The following GLB1L variants were observed in gnomAD, a reference collection of about 807,000 sequenced individuals.
The protein encoded by GLB1L is beta-galactosidase-1-like protein.
Under a neutral mutation model 75.7 loss-of-function variants are expected in GLB1L, and 58 were observed. The ratio of observed to expected loss-of-function variants is 0.77; its 90% CI spans 0.62 to 0.95. GLB1L has a LOEUF of 0.95. Among genes scored for constraint, GLB1L ranks in the 40% least tolerant of loss-of-function variants. GLB1L has a pLI of 0.00. For missense variants in GLB1L, 797 were observed against 805.5 expected, an observed-to-expected ratio of 0.99 and a Z score of 0.13; for synonymous variants, 296 against 303.0, an observed-to-expected ratio of 0.98 and a Z score of 0.24.
chr2:219,242,667 T>C (rs1002662058), intron 4 of GLB1L, 93 bp from the exon 5 acceptor site: 1 of 1,534,450 alleles, frequency 6.5e-7, no homozygotes, highest in Admixed American at 1.7e-5. Context: ...AGGGAAGGAA[T>C]TGAATATAGT....
chr2:219,238,875 A>T, intron 11 of GLB1L, 96 bp from the exon 12 acceptor site: 1 of 1,110,664 alleles, frequency 9.0e-7, no homozygotes, highest in Non-Finnish European at 1.3e-6. Context: ...GGGCCCAGGG[A>T]AGGGCTTCAG....
chr2:219,239,683 CTA>C lies in GLB1L; in HGVS notation c.781-3_781-2del. 1 of 1,614,122 alleles carries C rather than the reference CTA, an allele frequency of 6.2e-7. No homozygotes were observed. Among genetic ancestry groups the C allele is most frequent in the African/African-American group, 1.3e-5 (1 of 75,012 alleles). On this transcript the variant is annotated splice_acceptor_variant and splice_polypyrimidine_tract_variant and intron_variant, in intron 8 of 16. Transcript: ENST00000295759. LOFTEE classifies it high-confidence loss of function. Reference sequence around the variant, plus strand: ...AGCCTGTGTAGTACTCAGAGTTTACCTAGAGTGTGAAATGAAAGGAGTGTGAG... The same window carrying C: ...AGCCTGTGTAGTACTCAGAGTTTACCGAGTGTGAAATGAAAGGAGTGTGAG...
chr2:219,241,953 C>G (rs1342013004), intron 5 of GLB1L, among the ~76,000 whole-genome samples: 1 of 152,022 alleles, frequency 6.6e-6, no homozygotes, highest in Non-Finnish European at 1.5e-5. Flanking sequence ...ATAAAAAGCA[C>G]TTAAATTTAA....
Position 219,240,215 on chromosome 2 carries a change from A to G in GLB1L, c.522T>C (p.Asn174=). The change falls in exon 6 of 17, where the codon AAT becomes AAC. Residue 174 remains asparagine (N), a synonymous_variant. Transcript: ENST00000295759. ...CCTGAATGCTAATGATGTTGCCCCCATTGTGATAAAGCCATGGATATATCT... is the reference window on the plus strand; with the variant it reads ...CCTGAATGCTAATGATGTTGCCCCCGTTGTGATAAAGCCATGGATATATCT... ...LPKIYPWLYH[N]GGNIISIQVE... The G allele has an allele frequency of 6.2e-7, 1 of 1,614,168 alleles. No individual in the cohort carries two copies. Among genetic ancestry groups the G allele is most frequent in the South Asian group, 1.1e-5 (1 of 91,084 alleles).
At chr2:219,237,453 CCTT>C (rs1225076419) in intron 16 of GLB1L, 56 bp downstream of exon 16, 46 of 1,604,978 alleles carry the variant, frequency 2.9e-5, no homozygotes, top group African/African-American at 6.7e-5. Flanking sequence ...CTGCTCCCCT[CCTT>C]CTGTGATTTT....
chr2:219,239,393 G>T lies in GLB1L; in HGVS notation c.943+18C>A. 6.3e-7 allele frequency: 1 copy of T among 1,580,456 alleles called. No individual in the cohort carries two copies. The highest frequency in any genetic ancestry group is 8.6e-7 in the Non-Finnish European group (1 of 1,162,482). On this transcript the variant is annotated intron_variant, in intron 10 of 16. Coordinates refer to ENST00000295759, the MANE Select transcript of GLB1L (RefSeq NM_001286423.2). ...TTGTTACCTCCCTGCTTCTATCCCA[G>T]GGACCATCTGGACTCACCATTCCAA...
rs199593410 is a variant in GLB1L, at chr2:219,242,914, C to T, written c.244G>A (p.Val82Met). The stretch of plus-strand genomic sequence containing the variant: ...TGTGGCTCGTGGTAGTTCCAGGGCA[C>T]ATAACTGAGAAAGGAAGAGGTTAAT... Reference protein sequence around the residue: ...WSGLNAIQFYVPWNYHEPQPG... With the variant: ...WSGLNAIQFYMPWNYHEPQPG... The change falls in exon 4 of 17, where the codon GTG becomes ATG. Residue 82 changes from valine (V) to methionine (M), a missense_variant. Val to Met is a conservative substitution (Grantham distance 21). Transcript: ENST00000295759. 148 of 1,614,050 alleles carry T rather than the reference C, an allele frequency of 9.2e-5. No homozygotes were observed. The highest frequency in any genetic ancestry group is 1.0e-5 in the Non-Finnish European group (12 of 1,180,030).
chr2:219,245,427 A>G lies in GLB1L; in HGVS notation c.-269T>C, dbSNP rs1951504971. Reference sequence around the variant, plus strand: ...GCGTCCCCACATCCTCCGGATGCCCAGCGGTTGCTGAGATACCGCGGGCCG... The same window carrying G: ...GCGTCCCCACATCCTCCGGATGCCCGGCGGTTGCTGAGATACCGCGGGCCG... On this transcript the variant is annotated 5_prime_UTR_variant, in exon 1 of 17. Transcript: ENST00000295759. 6.6e-6 allele frequency: 1 copy of G among 152,476 alleles called. No individual in the cohort carries two copies. Among genetic ancestry groups the G allele is most frequent in the Admixed American group, 6.5e-5 (1 of 15,288 alleles). 9.4% of individuals were successfully genotyped at this position (152,476 alleles called of 1,614,324 possible).
Position 219,239,792 on chromosome 2 carries a change from C to T in GLB1L, c.763G>A (p.Glu255Lys). ...CCCCTCACCAATGGCCCATGGGGTT[C>T]ATACTTCCGAAGCAGGGTAAAGATT... The part of the protein sequence containing the change: ...TKIFTLLRKY[E>K]PHGPLVNSEY... Residue 255 changes from glutamate (E) to lysine (K), a missense_variant, in exon 8 of 17, where the codon GAA (glutamate) becomes AAA (lysine). Coordinates refer to ENST00000295759, the MANE Select transcript of GLB1L (RefSeq NM_001286423.2). 2 of 1,614,196 alleles carry T rather than the reference C, an allele frequency of 1.2e-6. No homozygotes were observed. Among genetic ancestry groups the T allele is most frequent in the Non-Finnish European group, 1.7e-6 (2 of 1,180,040 alleles).
At chr2:219,238,893 G>A in intron 11 of GLB1L, 114 bp from the exon 12 acceptor site, 1 of 960,708 alleles carries the variant, frequency 1.0e-6, no homozygotes. Flanking sequence ...CAGGGATCAT[G>A]GAGGCTCAAT....
At chr2:219,238,388 C>A in intron 13 of GLB1L, 25 bp from the exon 14 acceptor site, 2 of 1,568,608 alleles carry the variant, frequency 1.3e-6, no homozygotes, top group African/African-American at 1.4e-5. Context: ...ATGAGTACTT[C>A]AGACAAACAG....
intron 8 of GLB1L, 46 bp from the exon 9 acceptor site, chr2:219,239,728 G>A: frequency 6.2e-7 from 1 of 1,614,194 alleles, no homozygotes; most frequent in South Asian, 1.1e-5. Context: ...GAACTGAGCT[G>A]GACCCATTCC....
intron 1 of GLB1L, among the ~76,000 whole-genome samples, chr2:219,244,191 C>A (rs1185348876): frequency 6.6e-6 from 1 of 152,136 alleles, no homozygotes; most frequent in East Asian, 1.9e-4. Context: ...TCAGATCCTA[C>A]CTCAGACCTA....
rs764769902 is a variant in GLB1L at position 219,239,461 on chromosome 2, G to A, written c.903-10C>T. The A allele has an allele frequency of 1.9e-6, 3 of 1,609,642 alleles. No individual in the cohort carries two copies. The highest frequency in any genetic ancestry group is 2.2e-5 in the East Asian group (1 of 44,866). Reference sequence around the variant, plus strand: ...TCCATGGAACATGTACCTGAAGTGAGAGAGGGTGGGGGAACAGGTAAAAGC... The same window carrying A: ...TCCATGGAACATGTACCTGAAGTGAAAGAGGGTGGGGGAACAGGTAAAAGC... On this transcript the variant is annotated splice_polypyrimidine_tract_variant and intron_variant, in intron 9 of 16. Coordinates refer to ENST00000295759, the MANE Select transcript of GLB1L (RefSeq NM_001286423.2).
At position 219,236,760 on chromosome 2, in the gene GLB1L, C is replaced by CTTTTTTTTT. The variant is rs5838728; in HGVS notation, c.*303_*311dup. The CTTTTTTTTT allele has an allele frequency of 5.6e-5, 7 of 125,744 alleles. No individual in the cohort carries two copies. Among genetic ancestry groups the CTTTTTTTTT allele is most frequent in the East Asian group, 2.2e-4 (1 of 4,580 alleles). The allele number at this position is 125,744 out of a possible 1,614,324, so 7.8% of individuals were successfully genotyped here. ...CTCCATGTCCCAGGTCCAAGGGTTA[C>CTTTTTTTTT]TTTTTTTTTTTTTTTTTTTTTTGAG... is the stretch of plus-strand genomic sequence containing the variant. On this transcript the variant is annotated 3_prime_UTR_variant, in exon 17 of 17. Transcript: ENST00000295759.
intron 11 of GLB1L, 113 bp downstream of exon 11, chr2:219,238,979 A>G (rs1413622546): frequency 3.4e-6 from 3 of 880,956 alleles, no homozygotes; most frequent in African/African-American, 1.7e-5. Flanking sequence ...GATGCTCAGA[A>G]GGCTCTGTGG....
At position 219,240,034 on chromosome 2, in the gene GLB1L, C is replaced by T; in HGVS notation, c.607G>A (p.Gly203Arg). The change falls in exon 7 of 17, where the codon GGG becomes AGG. Residue 203 changes from glycine to arginine, a missense_variant. Gly to Arg is a moderately radical substitution (Grantham distance 125, BLOSUM62 -2). Transcript: ENST00000295759. ...CDFSYMRHLA[G>R]LFRALLGEKI... ...TCTCCTAGCAGTGCACGGAAGAGCC[C>T]AGCCAAGTGCCTCATGTAGCTGAAG... 1.2e-6 allele frequency: 2 copies of T among 1,614,042 alleles called. No individual in the cohort carries two copies. Among genetic ancestry groups the T allele is most frequent in the Non-Finnish European group, 1.7e-6 (2 of 1,180,030 alleles).
chr2:219,243,245 A>G lies in GLB1L; in HGVS notation c.142T>C (p.Tyr48His), dbSNP rs757947501. The change falls in exon 3 of 17, where the codon TAT (tyrosine) becomes CAT (histidine). Residue 48 changes from tyrosine to histidine, a missense_variant. Tyr to His is a moderately conservative substitution (Grantham distance 83, BLOSUM62 2). Transcript: ENST00000295759. ...RFLLDGAPFR[Y>H]VSGSLHYFRV... Reference sequence around the variant, plus strand: ...AAGTAGTGCAGGCTGCCAGACACATAGCGGAACGGGGCCCCGTCTAGGAGA... The same window carrying G: ...AAGTAGTGCAGGCTGCCAGACACATGGCGGAACGGGGCCCCGTCTAGGAGA... 6.2e-7 allele frequency: 1 copy of G among 1,614,066 alleles called. No homozygotes were observed. The highest frequency in any genetic ancestry group is 1.1e-5 in the South Asian group (1 of 91,068).
Position 219,243,156 on chromosome 2 carries a change from G to A in GLB1L, c.231C>T (p.Ala77=). Residue 77 remains alanine, a synonymous_variant, in exon 3 of 17, where the codon GCC becomes GCT. Transcript: ENST00000295759. ...TTGCGAGCACTTCTTACAACTGTAT[G>A]GCGTTGAGGCCGCTCCATCGCATCT... The part of the protein sequence containing the change: ...LLKMRWSGLN[A]IQFYVPWNYH... The A allele has an allele frequency of 6.2e-7, 1 of 1,607,800 alleles. No individual in the cohort carries two copies. The highest frequency in any genetic ancestry group is 8.5e-7 in the Non-Finnish European group (1 of 1,177,090).
Sources: gnomAD v4.1 joint callset for allele counts (sites outside exome capture counted in the v4.1 genomes callset) on GRCh38, gnomAD v4.1.1 for gene constraint, MANE v1.5 for transcripts, NCBI Gene and HGNC (gene_info 2026-07-23, HGNC 2026-07-21) for gene names.